Variants in CSNK2A2IP observed in about 807,000 individuals in gnomAD.
The protein encoded by CSNK2A2IP is casein kinase 2 subunit alpha' interacting protein, also known as casein kinase II subunit alpha'-interacting protein.
the CSNK2A2IP span, among the ~76,000 whole-genome samples, chr3:88,363,580 C>T: frequency 1.3e-5 from 2 of 152,106 alleles, no homozygotes; most frequent in African/African-American, 2.4e-5. Flanking sequence ...CGTTGATTTG[C>T]ATGTTTCATA....
the CSNK2A2IP span, among the ~76,000 whole-genome samples, chr3:88,411,894 A>T: frequency 6.6e-6 from 1 of 151,480 alleles, no homozygotes; most frequent in Non-Finnish European, 1.5e-5. Flanking sequence ...AGCTTGAATA[A>T]AAATGTCATT....
the CSNK2A2IP span, among the ~76,000 whole-genome samples, chr3:88,385,988 T>C: frequency 2.0e-5 from 3 of 152,176 alleles, no homozygotes; most frequent in Non-Finnish European, 2.9e-5. Context: ...TTGGGTTTGT[T>C]TGAAGATAGT....
At chr3:88,457,841 C>A in the CSNK2A2IP span, among the ~76,000 whole-genome samples, 1 of 151,920 alleles carries the variant, frequency 6.6e-6, no homozygotes, top group East Asian at 1.9e-4. Flanking sequence ...GGCATTATTT[C>A]TTTCTTAAAG....
At chr3:88,413,503 A>G in the CSNK2A2IP span, among the ~76,000 whole-genome samples, 1 of 152,000 alleles carries the variant, frequency 6.6e-6, no homozygotes. Flanking sequence ...TTCATTGGAA[A>G]TAATATTTTC....
chr3:88,347,448 C>G, the CSNK2A2IP span, among the ~76,000 whole-genome samples: 1 of 152,020 alleles, frequency 6.6e-6, no homozygotes, highest in African/African-American at 2.4e-5. Flanking sequence ...CAACCTTCAG[C>G]AAACATTACC....
the CSNK2A2IP span, among the ~76,000 whole-genome samples, chr3:88,441,507 A>G: frequency 6.6e-6 from 1 of 152,174 alleles, no homozygotes; most frequent in Non-Finnish European, 1.5e-5. Flanking sequence ...ATGATTGATT[A>G]TATGTTGCGT....
At chr3:88,363,963 A>G in the CSNK2A2IP span, among the ~76,000 whole-genome samples, 2 of 152,258 alleles carry the variant, frequency 1.3e-5, no homozygotes, top group African/African-American at 4.8e-5. Context: ...ATCTCTCTGC[A>G]TGATACTTGG....
the CSNK2A2IP span, among the ~76,000 whole-genome samples, chr3:88,369,978 TG>T: frequency 6.2e-4 from 94 of 151,842 alleles, no homozygotes; most frequent in Non-Finnish European, 1.1e-3. Flanking sequence ...GGGCCTAGGC[TG>T]AAAAAGCAGC....
chr3:88,438,442 G>C, the CSNK2A2IP span, among the ~76,000 whole-genome samples: 2 of 152,186 alleles, frequency 1.3e-5, no homozygotes, highest in South Asian at 2.1e-4. Flanking sequence ...TTATGGCATA[G>C]AGCCAGCCAT....
At chr3:88,399,379 G>T in the CSNK2A2IP span, among the ~76,000 whole-genome samples, 2 of 152,142 alleles carry the variant, frequency 1.3e-5, no homozygotes, top group African/African-American at 4.8e-5. Context: ...ATTTAGAAGT[G>T]ATTATCCAGG....
the CSNK2A2IP span, among the ~76,000 whole-genome samples, chr3:88,393,811 A>C: frequency 6.6e-6 from 1 of 152,228 alleles, no homozygotes; most frequent in East Asian, 1.9e-4. Flanking sequence ...GTTTGACCAG[A>C]AAGGAACAAT....
At chr3:88,379,353 C>T in the CSNK2A2IP span, among the ~76,000 whole-genome samples, 5 of 151,938 alleles carry the variant, frequency 3.3e-5, no homozygotes, top group Non-Finnish European at 7.4e-5. Flanking sequence ...TTAATTGAGG[C>T]GGTAGATATA....
chr3:88,467,079 A>G, the CSNK2A2IP span: 3 of 782,216 alleles, frequency 3.8e-6, no homozygotes, highest in Non-Finnish European at 5.2e-6. Context: ...ATATGAAGCA[A>G]ATATGGTGGG....
the CSNK2A2IP span, among the ~76,000 whole-genome samples, chr3:88,417,103 A>T: frequency 2.0e-5 from 3 of 149,628 alleles, no homozygotes; most frequent in East Asian, 5.8e-4. Flanking sequence ...GATAACATGA[A>T]TTTTTTTTTT....
At chr3:88,357,261 A>T in the CSNK2A2IP span, among the ~76,000 whole-genome samples, 1 of 152,176 alleles carries the variant, frequency 6.6e-6, no homozygotes, top group East Asian at 1.9e-4. Context: ...TAAGTATTTA[A>T]TCCATTTCAT....
At chr3:88,463,887 G>A in the CSNK2A2IP span, among the ~76,000 whole-genome samples, 1 of 151,684 alleles carries the variant, frequency 6.6e-6, no homozygotes, top group African/African-American at 2.4e-5. Context: ...CAATAGCAAA[G>A]ACTTGGAAAC....
chr3:88,342,566 A>G, the CSNK2A2IP span, among the ~76,000 whole-genome samples: 1 of 151,936 alleles, frequency 6.6e-6, no homozygotes, highest in Non-Finnish European at 1.5e-5. Flanking sequence ...TGGATCATTT[A>G]TTGGTCAATT....
At chr3:88,442,256 T>G in the CSNK2A2IP span, among the ~76,000 whole-genome samples, 5 of 152,150 alleles carry the variant, frequency 3.3e-5, no homozygotes, top group Non-Finnish European at 5.9e-5. Context: ...TTCAGGCTGG[T>G]CTCCAACTCC....
At chr3:88,434,992 G>T in the CSNK2A2IP span, among the ~76,000 whole-genome samples, 7 of 152,230 alleles carry the variant, frequency 4.6e-5, no homozygotes, top group East Asian at 9.7e-4. Flanking sequence ...CCCCCGCAAA[G>T]GCTCTTAGAG....
Sources: allele counts gnomAD v4.1 joint callset (sites outside exome capture counted in the v4.1 genomes callset), GRCh38; gene constraint gnomAD v4.1.1; transcripts MANE v1.5; gene names NCBI Gene and HGNC (gene_info 2026-07-23, HGNC 2026-07-21).